AGAP1: variants seen among roughly 807,000 people sequenced by gnomAD.
AGAP1 encodes the protein arf-GAP with GTPase, ANK repeat and PH domain-containing protein 1.
Under a neutral mutation model 105.3 loss-of-function variants are expected in AGAP1, and 29 were observed. That is an observed-to-expected ratio of 0.28 (90% CI 0.21 to 0.38). The LOEUF (loss-of-function observed/expected upper bound fraction) is 0.38. AGAP1 is among the 10% of genes least tolerant of loss of function. The probability of loss-of-function intolerance (pLI) is 1.00; values close to 1 mark genes in which losing one functional copy is unlikely to be tolerated. For missense variants in AGAP1, 998 were observed against 1,165.1 expected, an observed-to-expected ratio of 0.86 and a Z score of 2.09; for synonymous variants, 509 against 485.9, an observed-to-expected ratio of 1.05 and a Z score of -0.63.
In AGAP1 at chr2:235,642,418, A is replaced by G. The variant is rs1310474022; in HGVS notation, c.164-66761A>G. Among the ~76,000 whole-genome samples the G allele has an allele frequency of 2.0e-5, 3 of 152,180 alleles. No individual in the cohort carries two copies. The highest frequency in any genetic ancestry group is 1.3e-4 in the Admixed American group (2 of 15,260). ...CTGGCTTAGGGATTTATCTGCAGGGACTGTCCCCAGTAGGTCTATGAGAGC... is the reference window on the plus strand; with the variant it reads ...CTGGCTTAGGGATTTATCTGCAGGGGCTGTCCCCAGTAGGTCTATGAGAGC... On this transcript the variant is annotated intron_variant, in intron 1 of 17. Transcript: ENST00000304032. The surrounding 1 kb of genome is among the most constrained non-coding windows in gnomAD (Gnocchi z 4.1).
chr2:235,763,081 TGCC>T (rs772268486), intron 6 of AGAP1, among the ~76,000 whole-genome samples: 3 of 89,216 alleles, frequency 3.4e-5, no homozygotes, highest in East Asian at 4.5e-4. Flanking sequence ...CACGTGCACC[TGCC>T]GTGTTTGAAA....
intron 9 of AGAP1, among the ~76,000 whole-genome samples, chr2:235,808,187 G>A (rs1291648124): frequency 6.6e-6 from 1 of 152,226 alleles, no homozygotes; most frequent in African/African-American, 2.4e-5. Flanking sequence ...GATTTAGAGT[G>A]CATCCTTCTT....
chr2:235,498,923 A>G (rs1941441269), intron 1 of AGAP1, among the ~76,000 whole-genome samples: 1 of 152,218 alleles, frequency 6.6e-6, no homozygotes, highest in African/African-American at 2.4e-5. Context: ...ACCCCTTAGT[A>G]GTATCTCAGC....
At chr2:235,605,996 T>C (rs1945922635) in intron 1 of AGAP1, among the ~76,000 whole-genome samples, 1 of 152,260 alleles carries the variant, frequency 6.6e-6, no homozygotes, top group South Asian at 2.1e-4. Context: ...TTAAGAATTT[T>C]CTACACTTTC....
chr2:235,629,863 C>CAAAAAAAAAAAAA (rs10691632), intron 1 of AGAP1, among the ~76,000 whole-genome samples: 2 of 95,672 alleles, frequency 2.1e-5, no homozygotes, highest in Non-Finnish European at 4.1e-5. Flanking sequence ...GACCCTGTCT[C>CAAAAAAAAAAAAA]AAAAAAAAAA....
chr2:235,794,761 C>T (rs74387230), intron 6 of AGAP1, among the ~76,000 whole-genome samples: 5,779 of 152,198 alleles, frequency 0.038, 215 homozygotes, highest in African/African-American at 0.091. Flanking sequence ...TATGAGCCAC[C>T]GCGCCCAGCC....
chr2:236,032,238 A>G (rs1357723732), intron 13 of AGAP1, among the ~76,000 whole-genome samples: 3 of 152,198 alleles, frequency 2.0e-5, no homozygotes, highest in Non-Finnish European at 4.4e-5. Context: ...ATATTGAATG[A>G]GGCAAGACAG....
intron 15 of AGAP1, among the ~76,000 whole-genome samples, chr2:236,041,690 G>A (rs1245650062): frequency 1.3e-5 from 2 of 152,158 alleles, no homozygotes; most frequent in Non-Finnish European, 2.9e-5. Context: ...GTTCAAACAA[G>A]GTAAGAGGTG....
chr2:236,104,523 A>G lies in AGAP1; in HGVS notation c.2115-15669A>G, dbSNP rs777169674. On this transcript the variant is annotated intron_variant, in intron 16 of 17. Transcript: ENST00000304032. The surrounding 1 kb of genome is among the most constrained non-coding windows in gnomAD (Gnocchi z 4.7). ...TTGGGGGCACAGGGCTGTGAGGGTCAGGACCACCATCAGAATCCCTTACAA... is the reference window on the plus strand; with the variant it reads ...TTGGGGGCACAGGGCTGTGAGGGTCGGGACCACCATCAGAATCCCTTACAA... Among the ~76,000 whole-genome samples, 3 of 152,264 alleles carry G rather than the reference A, an allele frequency of 2.0e-5. No homozygotes were observed. The highest frequency in any genetic ancestry group is 6.5e-5 in the Admixed American group (1 of 15,288).
In AGAP1 at chr2:235,663,215, A is replaced by T. The variant is rs1254423660; in HGVS notation, c.164-45964A>T. On this transcript the variant is annotated intron_variant, in intron 1 of 17. Transcript: ENST00000304032. The surrounding 1 kb of genome is among the most constrained non-coding windows in gnomAD (Gnocchi z 5.4). ...TCCCATCTACTTGGGAGGCTGAGGC[A>T]GGAGAATTGCTTGAACCTGGGAGAC... 6.6e-6 allele frequency among the ~76,000 whole-genome samples: 1 copy of T among 152,122 alleles called. No individual in the cohort carries two copies. The highest frequency in any genetic ancestry group is 2.4e-5 in the African/African-American group (1 of 41,424).
At chr2:235,745,454 G>A (rs1210997616) in intron 5 of AGAP1, among the ~76,000 whole-genome samples, 2 of 152,118 alleles carry the variant, frequency 1.3e-5, no homozygotes, top group African/African-American at 4.8e-5. Context: ...CAATGTCCTC[G>A]CTCTTGATCA....
chr2:236,115,792 T>C (rs1360535134), intron 16 of AGAP1, among the ~76,000 whole-genome samples: 1 of 135,750 alleles, frequency 7.4e-6, no homozygotes, highest in Non-Finnish European at 1.7e-5. Context: ...GAAGTCAGCA[T>C]TGAAAGCTTC....
At chr2:235,756,974 A>G (rs1559443629) in intron 6 of AGAP1, among the ~76,000 whole-genome samples, 1 of 152,026 alleles carries the variant, frequency 6.6e-6, no homozygotes, top group Admixed American at 6.6e-5. Context: ...ATATTCTTGC[A>G]TGCATTTTCT....
chr2:235,645,404 AT>A (rs1947340086), intron 1 of AGAP1, among the ~76,000 whole-genome samples: 1 of 152,178 alleles, frequency 6.6e-6, no homozygotes, highest in Non-Finnish European at 1.5e-5. Flanking sequence ...CCGGCTTTGT[AT>A]TTATTAGGGC....
chr2:235,774,803 AAGAG>A (rs1355804756), intron 6 of AGAP1, among the ~76,000 whole-genome samples: 1 of 152,122 alleles, frequency 6.6e-6, no homozygotes, highest in African/African-American at 2.4e-5. Flanking sequence ...TATCTTGTGA[AAGAG>A]AATTCAGATG....
rs1947908110 is a variant in AGAP1, at chr2:235,660,358, A to G, written c.164-48821A>G. Reference sequence around the variant, plus strand: ...GTTGACCAACCTTCTTGTTGGTAACATGACTGAGGCATTACCTGCACTGAT... The same window carrying G: ...GTTGACCAACCTTCTTGTTGGTAACGTGACTGAGGCATTACCTGCACTGAT... On this transcript the variant is annotated intron_variant, in intron 1 of 17. Coordinates refer to ENST00000304032, the MANE Select transcript of AGAP1 (RefSeq NM_001037131.3). The surrounding 1 kb of genome is among the most constrained non-coding windows in gnomAD (Gnocchi z 5.3). 6.6e-6 allele frequency among the ~76,000 whole-genome samples: 1 copy of G among 152,202 alleles called. No individual in the cohort carries two copies. Among genetic ancestry groups the G allele is most frequent in the African/African-American group, 2.4e-5 (1 of 41,460 alleles).
rs1372987108 is a variant in AGAP1 at position 236,027,366 on chromosome 2, G to A, written c.1646-9195G>A. 6.6e-6 allele frequency among the ~76,000 whole-genome samples: 1 copy of A among 152,126 alleles called. No homozygotes were observed. Among genetic ancestry groups the A allele is most frequent in the African/African-American group, 2.4e-5 (1 of 41,410 alleles). ...CCTTAATTAGGCTCTGTGCTCAGAT[G>A]TTAATCCTTCCTCAGGAAGCAAGGT... On this transcript the variant is annotated intron_variant, in intron 13 of 17. Coordinates refer to ENST00000304032, the MANE Select transcript of AGAP1 (RefSeq NM_001037131.3). This position sits in a 1 kb window ranked among gnomAD's most constrained non-coding sequence, Gnocchi z 4.4.
Position 235,662,896 on chromosome 2 carries a change from T to A in AGAP1, c.164-46283T>A, listed in dbSNP as rs1948007909. Among the ~76,000 whole-genome samples the A allele has an allele frequency of 6.6e-6, 1 of 152,188 alleles. No homozygotes were observed. Among genetic ancestry groups the A allele is most frequent in the African/African-American group, 2.4e-5 (1 of 41,444 alleles). Reference sequence around the variant, plus strand: ...TCCATCTTACTGTGTCAGATGTGATTCCGGGGACGCAGTTCTTTCTTAAGA... The same window carrying A: ...TCCATCTTACTGTGTCAGATGTGATACCGGGGACGCAGTTCTTTCTTAAGA... On this transcript the variant is annotated intron_variant, in intron 1 of 17. Coordinates refer to ENST00000304032, the MANE Select transcript of AGAP1 (RefSeq NM_001037131.3). This position sits in a 1 kb window ranked among gnomAD's most constrained non-coding sequence, Gnocchi z 4.2.
chr2:236,005,880 T>C lies in AGAP1; in HGVS notation c.1646-30681T>C, dbSNP rs183895054. 1.2e-4 allele frequency among the ~76,000 whole-genome samples: 19 copies of C among 152,322 alleles called. No individual in the cohort carries two copies. Among genetic ancestry groups the C allele is most frequent in the Admixed American group, 7.2e-4 (11 of 15,304 alleles). The stretch of plus-strand genomic sequence containing the variant: ...ACCTTGATCCTTTGACTTGAGGTAG[T>C]GTCTGTCAAGTTATTCTGCTGTAAA... On this transcript the variant is annotated intron_variant, in intron 13 of 17. Transcript: ENST00000304032. This position sits in a 1 kb window ranked among gnomAD's most constrained non-coding sequence, Gnocchi z 4.1.
Sources: allele counts gnomAD v4.1 joint callset (sites outside exome capture counted in the v4.1 genomes callset), GRCh38; gene constraint gnomAD v4.1.1; non-coding constraint Gnocchi (gnomAD v3.1); transcripts MANE v1.5; gene names NCBI Gene and HGNC (gene_info 2026-07-23, HGNC 2026-07-21).